FAM149A: variants seen among roughly 807,000 people sequenced by gnomAD.
FAM149A encodes protein FAM149A.
Under a neutral mutation model 78.2 loss-of-function variants are expected in FAM149A, and 71 were observed. The ratio of observed to expected loss-of-function variants is 0.91; its 90% confidence interval spans 0.75 to 1.11. The LOEUF (loss-of-function observed/expected upper bound fraction) is 1.11, where lower values mean the gene tolerates loss of function less well. FAM149A is among the 50% of genes least tolerant of loss of function. The probability of loss-of-function intolerance (pLI) is 0.00; values close to 1 mark genes in which losing one functional copy is unlikely to be tolerated. For synonymous variants in FAM149A, 446 were observed against 410.5 expected, an observed-to-expected ratio of 1.09 and a Z score of -1.04; for missense variants, 1,036 against 971.0, an observed-to-expected ratio of 1.07 and a Z score of -0.89.
At chr4:186,154,885 G>A (rs1733913069) in intron 6 of FAM149A, 2 of 985,124 alleles carry the variant, frequency 2.0e-6, no homozygotes, top group Admixed American at 6.1e-5. Context: ...CCCTGGTCCT[G>A]GGGGCTCCAG....
intron 1 of FAM149A, chr4:186,117,326 A>T: frequency 3.7e-6 from 2 of 541,648 alleles, no homozygotes; most frequent in Non-Finnish European, 4.7e-6. Context: ...TCTAAGATCC[A>T]CATGGAGCTA....
chr4:186,154,383 A>G (rs1465250264), intron 5 of FAM149A, 85 bp from the exon 6 acceptor site: 2 of 1,156,030 alleles, frequency 1.7e-6, no homozygotes, highest in African/African-American at 3.1e-5. Flanking sequence ...CTTTACAGAT[A>G]ATTGAAAGAT....
At chr4:186,169,709 G>A in intron 13 of FAM149A, 1 of 985,420 alleles carries the variant, frequency 1.0e-6, no homozygotes. Flanking sequence ...TGGGGGTAGA[G>A]CTGGTATCGG....
intron 8 of FAM149A, chr4:186,157,957 T>C (rs1288906752): frequency 6.6e-7 from 1 of 1,521,466 alleles, no homozygotes; most frequent in Non-Finnish European, 8.8e-7. Context: ...TTCCTTGCGG[T>C]AGGAGCCCAC....
At chr4:186,113,077 C>G (rs1320619835) in intron 1 of FAM149A, among the ~76,000 whole-genome samples, 4 of 137,128 alleles carry the variant, frequency 2.9e-5, no homozygotes, top group African/African-American at 1.1e-4. Flanking sequence ...ATTTCAGCTC[C>G]TTTTATTGGT....
intron 8 of FAM149A, chr4:186,158,115 G>A (rs1414668706): frequency 1.5e-6 from 2 of 1,314,630 alleles, no homozygotes; most frequent in African/African-American, 3.0e-5. Flanking sequence ...ACCCTGCTGA[G>A]GTCCCTGTCT....
chr4:186,147,666 C>T (rs543598118), intron 1 of FAM149A, among the ~76,000 whole-genome samples: 94 of 152,222 alleles, frequency 6.2e-4, no homozygotes, highest in African/African-American at 2.2e-3. Flanking sequence ...GTATGTTTTT[C>T]TTAGTGTTCA....
chr4:186,118,496 TTTTA>T (rs1230879108), intron 1 of FAM149A, among the ~76,000 whole-genome samples: 2 of 152,238 alleles, frequency 1.3e-5, no homozygotes, highest in Admixed American at 6.5e-5. Context: ...ATTTTTTGAT[TTTTA>T]TTATGTTTTA....
At chr4:186,140,566 C>T (rs976898720) in intron 1 of FAM149A, among the ~76,000 whole-genome samples, 30 of 151,382 alleles carry the variant, frequency 2.0e-4, no homozygotes, top group African/African-American at 7.1e-4. Context: ...CCACTGTGCC[C>T]AGCCTATACC....
intron 1 of FAM149A, among the ~76,000 whole-genome samples, chr4:186,118,991 A>G (rs1042219137): frequency 6.6e-6 from 1 of 152,240 alleles, no homozygotes; most frequent in Non-Finnish European, 1.5e-5. Flanking sequence ...GAGGAGGGCC[A>G]AAGGTAAGTG....
At chr4:186,113,656 G>A (rs1446524129) in intron 1 of FAM149A, among the ~76,000 whole-genome samples, 1 of 148,814 alleles carries the variant, frequency 6.7e-6, no homozygotes, top group Non-Finnish European at 1.5e-5. Context: ...TATGTATCCA[G>A]TAGTCATTCA....
chr4:186,105,414 C>A lies in FAM149A; in HGVS notation c.338C>A (p.Pro113His). ...AAAGCCCCGCCCCAGCCCCCCACTC[C>A]CTCCGGCGGGGGCTGCTCCCCTGCT... The change falls in exon 1 of 14, where the codon CCC (proline) becomes CAC (histidine). Residue 113 changes from proline to histidine, a missense_variant. Transcript: ENST00000389354. 2 of 1,190,068 alleles carry A rather than the reference C, an allele frequency of 1.7e-6. No individual in the cohort carries two copies. Among genetic ancestry groups the A allele is most frequent in the Non-Finnish European group, 2.1e-6 (2 of 947,210 alleles). 73.7% of individuals were successfully genotyped at this position (1,190,068 alleles called of 1,614,324 possible).
At chr4:186,170,802 A>C (rs1226845663) in intron 13 of FAM149A, 1 of 152,240 alleles carries the variant, frequency 6.6e-6, no homozygotes, top group East Asian at 1.9e-4. Flanking sequence ...CACTGAACAG[A>C]GGGACAGAGG....
In FAM149A at chr4:186,136,964, TTCTCTC is replaced by T. The variant is rs1386094089; in HGVS notation, c.567-12203_567-12198del. ...TCTCTCTCTCTCTCTCTCTCTCTCT[TTCTCTC>T]TCTCTTTCTCTCTCTCTCTCTCTCT... On this transcript the variant is annotated intron_variant, in intron 1 of 13. Transcript: ENST00000389354. Among the ~76,000 whole-genome samples the T allele has an allele frequency of 2.6e-3, 249 of 97,054 alleles. 1 individual carries two copies. Among genetic ancestry groups the T allele is most frequent in the African/African-American group, 0.011 (239 of 22,444 alleles). 63.7% of individuals were successfully genotyped at this position (97,054 alleles called of 152,430 possible).
chr4:186,146,904 C>CT, intron 1 of FAM149A: 1 of 985,440 alleles, frequency 1.0e-6, no homozygotes, highest in African/African-American at 1.7e-5. Flanking sequence ...CCGTTTGAGT[C>CT]TTTCAACCGA....
At chr4:186,124,137 AAG>A (rs1428337511) in intron 1 of FAM149A, 9 of 985,246 alleles carry the variant, frequency 9.1e-6, no homozygotes, top group African/African-American at 1.7e-5. Flanking sequence ...ATAAGATACC[AAG>A]ATACATCTAC....
chr4:186,149,711 C>T lies in FAM149A; in HGVS notation c.789+7C>T, dbSNP rs2126455254. On this transcript the variant is annotated splice_region_variant and intron_variant, in intron 3 of 13. Coordinates refer to ENST00000389354, the MANE Select transcript of FAM149A (RefSeq NM_001367768.3). Reference sequence around the variant, plus strand: ...TTATTCCTGGAGAGATGACGTATGTCTCAGAATATTTTGGATAATCTTGTA... The same window carrying T: ...TTATTCCTGGAGAGATGACGTATGTTTCAGAATATTTTGGATAATCTTGTA... 7.9e-7 allele frequency: 1 copy of T among 1,265,104 alleles called. No individual in the cohort carries two copies. Among genetic ancestry groups the T allele is most frequent in the Non-Finnish European group, 1.0e-6 (1 of 980,346 alleles). The allele number at this position is 1,265,104 out of a possible 1,614,324, so 78.4% of individuals were successfully genotyped here.
intron 8 of FAM149A, among the ~76,000 whole-genome samples, chr4:186,160,017 C>CAT (rs1734413544): frequency 9.9e-6 from 1 of 100,774 alleles, no homozygotes. Flanking sequence ...ACACACCCCC[C>CAT]ACACAAACAC....
intron 1 of FAM149A, among the ~76,000 whole-genome samples, chr4:186,145,778 T>C (rs145654052): frequency 7.0e-4 from 106 of 152,320 alleles, no homozygotes; most frequent in African/African-American, 2.3e-3. Flanking sequence ...TGCATGTCTA[T>C]GTTTAGAAGC....
Sources: allele counts gnomAD v4.1 joint callset (sites outside exome capture counted in the v4.1 genomes callset), GRCh38; gene constraint gnomAD v4.1.1; transcripts MANE v1.5; gene names NCBI Gene and HGNC (gene_info 2026-07-23, HGNC 2026-07-21).